STPG1: variants seen among roughly 807,000 people sequenced by gnomAD.
The protein encoded by STPG1 is sperm tail PG-rich repeat containing 1.
In STPG1, 33 loss-of-function variants were observed where a neutral mutation model predicts 40.1. That is an observed-to-expected ratio of 0.82 (90% CI 0.62 to 1.10). STPG1 has a LOEUF of 1.10. Ranked by LOEUF, STPG1 falls within the 50% of genes least tolerant of loss-of-function variation. The pLI is 0.00. For missense variants in STPG1, 396 were observed against 415.1 expected (o/e 0.95, Z 0.40); for synonymous variants, 150 against 155.0 (o/e 0.97, Z 0.24).
intron 6 of STPG1, among the ~76,000 whole-genome samples, chr1:24,371,759 A>G (rs974624018): frequency 3.3e-5 from 5 of 152,242 alleles, no homozygotes; most frequent in Admixed American, 3.3e-4. Context: ...GAAAACAATG[A>G]AAAGCAAAAG....
At chr1:24,412,487 T>A (rs1643735351) in intron 1 of STPG1, among the ~76,000 whole-genome samples, 1 of 149,062 alleles carries the variant, frequency 6.7e-6, no homozygotes, top group African/African-American at 2.5e-5. Context: ...TATTGTATGT[T>A]TATTACTTTA....
At chr1:24,401,225 T>G in intron 2 of STPG1, 94 bp downstream of exon 2, 1 of 1,082,702 alleles carries the variant, frequency 9.2e-7, no homozygotes, top group South Asian at 1.4e-5. Flanking sequence ...CCTGTGGATA[T>G]AACCCAGGAC....
intron 4 of STPG1, 132 bp from the exon 5 acceptor site, chr1:24,379,955 AT>A: frequency 2.3e-6 from 2 of 862,928 alleles, no homozygotes; most frequent in South Asian, 3.6e-5. Context: ...GGCAGTAACA[AT>A]GATAAACTGA....
At chr1:24,366,419 T>C (rs906126967) in intron 7 of STPG1, among the ~76,000 whole-genome samples, 9 of 152,196 alleles carry the variant, frequency 5.9e-5, no homozygotes, top group African/African-American at 2.2e-4. Flanking sequence ...TTTGAGAAAC[T>C]GGATTTTGGA....
chr1:24,357,919 A>G lies in STPG1; in HGVS notation c.*624T>C. On this transcript the variant is annotated 3_prime_UTR_variant, in exon 9 of 9. Coordinates refer to ENST00000337248, the MANE Select transcript of STPG1 (RefSeq NM_001199013.2). ...CACTGCCATTCCAAGATGATCTCCC[A>G]CTCCAAAGAGAAAAAGGTCTAAAAG... is the stretch of plus-strand genomic sequence containing the variant. The G allele has an allele frequency of 3.1e-6, 1 of 325,982 alleles. No individual in the cohort carries two copies. The highest frequency in any genetic ancestry group is 7.8e-5 in the East Asian group (1 of 12,742). 20.2% of individuals were successfully genotyped at this position (325,982 alleles called of 1,614,324 possible). A position where few individuals can be genotyped will look rare whatever the true frequency, so the allele number is the denominator to read the frequency against.
At chr1:24,369,917 C>A in intron 6 of STPG1, 78 bp from the exon 7 acceptor site, 1 of 1,305,464 alleles carries the variant, frequency 7.7e-7, no homozygotes, top group African/African-American at 1.5e-5. Context: ...CCCCTAAGAA[C>A]ACACCTGATG....
rs1642185525 is a variant in STPG1 at position 24,379,544 on chromosome 1, TG to T, written c.462+108del. On this transcript the variant is annotated intron_variant, in intron 5 of 8. Coordinates refer to ENST00000337248, the MANE Select transcript of STPG1 (RefSeq NM_001199013.2). The stretch of plus-strand genomic sequence containing the variant: ...CATTGGGTAGTCAACAAATGCTAAC[TG>T]GCTTGACAACTGCATTAAAATACGA... 4 of 1,280,882 alleles carry T rather than the reference TG, an allele frequency of 3.1e-6. No homozygotes were observed. The African/African-American group carries it at 6.0e-5, about 19-fold the overall frequency. 79.3% of individuals were successfully genotyped at this position (1,280,882 alleles called of 1,614,324 possible).
chr1:24,360,939 G>T lies in STPG1; in HGVS notation c.840C>A (p.Pro280=). Residue 280 remains proline, a synonymous_variant, in exon 8 of 9, where the codon CCC becomes CCA. Transcript: ENST00000337248. Reference sequence around the variant, plus strand: ...ATGCACTAGAGATGAAATGCTTGCGGGGGCCTAAGTAGTCCACGATCTCAT... The same window carrying T: ...ATGCACTAGAGATGAAATGCTTGCGTGGGCCTAAGTAGTCCACGATCTCAT... ...GQYEIVDYLG[P]RKHFISSASF... The T allele has an allele frequency of 6.2e-7, 1 of 1,614,102 alleles. No homozygotes were observed. The highest frequency in any genetic ancestry group is 8.5e-7 in the Non-Finnish European group (1 of 1,180,012).
intron 7 of STPG1, 136 bp from the exon 8 acceptor site, chr1:24,361,177 A>C: frequency 1.3e-6 from 1 of 744,338 alleles, no homozygotes; most frequent in Non-Finnish European, 2.1e-6. Context: ...GCAGAGCCCT[A>C]GCTCCACTGG....
At chr1:24,407,998 T>C (rs1643478467) in intron 1 of STPG1, among the ~76,000 whole-genome samples, 2 of 152,228 alleles carry the variant, frequency 1.3e-5, no homozygotes, top group South Asian at 2.1e-4. Context: ...TCCTCTCAGA[T>C]ATGGGTCATA....
intron 7 of STPG1, 196 bp downstream of exon 7, chr1:24,369,478 C>A: frequency 1.4e-6 from 1 of 701,542 alleles, no homozygotes; most frequent in Non-Finnish European, 2.6e-6. Flanking sequence ...AAGTTCCTGG[C>A]ACACAGTGGT....
intron 1 of STPG1, among the ~76,000 whole-genome samples, chr1:24,408,235 G>T (rs1175536595): frequency 6.6e-6 from 1 of 152,198 alleles, no homozygotes; most frequent in African/African-American, 2.4e-5. Context: ...ACATTTCTGT[G>T]AACTCTACCC....
At chr1:24,406,068 TGTA>T (rs1643403691) in intron 1 of STPG1, among the ~76,000 whole-genome samples, 1 of 152,210 alleles carries the variant, frequency 6.6e-6, no homozygotes, top group African/African-American at 2.4e-5. Flanking sequence ...TTACATTTAA[TGTA>T]GCACTTGATA....
intron 1 of STPG1, among the ~76,000 whole-genome samples, chr1:24,407,937 G>A (rs1443160157): frequency 6.6e-6 from 1 of 152,062 alleles, no homozygotes; most frequent in Non-Finnish European, 1.5e-5. Context: ...AGGTTTCTTT[G>A]TACTAATTCT....
chr1:24,358,573 G>A lies in STPG1; in HGVS notation c.975C>T (p.Asn325=), dbSNP rs765074232. 2.4e-5 allele frequency: 39 copies of A among 1,613,996 alleles called. No homozygotes were observed. The highest frequency in any genetic ancestry group is 2.1e-5 in the Non-Finnish European group (25 of 1,179,954). ...GAACCGGGATCCATTTCTTGTCCTC[G>A]TTGTAGAGGAAGGACTGCTTTCCTG... ...ELPGKQSFLY[N]EDKKWIPVL The change falls in exon 9 of 9, where the codon AAC becomes AAT. Residue 325 remains asparagine, a synonymous_variant. Transcript: ENST00000337248.
chr1:24,410,385 C>A (rs1271242711), intron 1 of STPG1, among the ~76,000 whole-genome samples: 4 of 152,146 alleles, frequency 2.6e-5, no homozygotes, highest in South Asian at 2.1e-4. Flanking sequence ...CCGAGGTGGG[C>A]GGATCATGAG....
intron 1 of STPG1, chr1:24,410,761 G>A (rs1570113943): frequency 6.6e-6 from 1 of 152,286 alleles, no homozygotes; most frequent in African/African-American, 2.4e-5. Context: ...CTGCCCAGGT[G>A]TGCCTCACTG....
chr1:24,410,377 G>A (rs866731009), intron 1 of STPG1, among the ~76,000 whole-genome samples: 9 of 152,182 alleles, frequency 5.9e-5, no homozygotes, highest in Admixed American at 5.2e-4. Context: ...TTGCGAGGCC[G>A]AGGTGGGCGG....
chr1:24,387,237 C>G (rs1251171688), intron 3 of STPG1, among the ~76,000 whole-genome samples: 2 of 152,204 alleles, frequency 1.3e-5, no homozygotes, highest in African/African-American at 4.8e-5. Context: ...AACCTGTTAG[C>G]AGCTCACAGG....
Sources: gnomAD v4.1 joint callset for allele counts (sites outside exome capture counted in the v4.1 genomes callset) on GRCh38, gnomAD v4.1.1 for gene constraint, MANE v1.5 for transcripts, NCBI Gene and HGNC (gene_info 2026-07-23, HGNC 2026-07-21) for gene names.